Variants in MYO15B observed in about 807,000 individuals in gnomAD.
The protein encoded by MYO15B is myosin XVB pseudogene.
MYO15B carries 207 observed loss-of-function variants against 119.3 expected under a neutral mutation model. The observed-to-expected ratio is 1.73, with a 90% CI of 1.55 to 1.95. The LOEUF is 1.95. MYO15B is among the 30% of genes most tolerant of loss of function. The pLI is 0.00. For synonymous variants in MYO15B, 966 were observed against 498.9 expected (o/e 1.94, Z -12.48); for missense variants, 2,264 against 1,203.1 (o/e 1.88, Z -13.04).
chr17:75,616,248 G>A lies in MYO15B; in HGVS notation c.6110-64G>A, dbSNP rs140565308. 2.9e-4 allele frequency: 172 copies of A among 591,024 alleles called. 1 individual carries two copies. The East Asian group carries it at 3.7e-3, about 13-fold the overall frequency. 36.6% of individuals were successfully genotyped at this position (591,024 alleles called of 1,614,324 possible). A position where few individuals can be genotyped will look rare whatever the true frequency, so the allele number is the denominator to read the frequency against. ...GTGCTCTGCTCCCCGGAGTTGGTGC[G>A]GCCCATCCAGGAGCCCAGCTGGGCC... On this transcript the variant is annotated intron_variant, in intron 37 of 63. Coordinates refer to ENST00000645453, the Ensembl canonical transcript of MYO15B.
chr17:75,619,698 C>T (rs1240821087), exon 46 of MYO15B: 5 of 702,768 alleles, frequency 7.1e-6, no homozygotes, highest in Admixed American at 2.0e-5. Flanking sequence ...GTGGCAGCGA[C>T]GTGCAGCTGT....
At chr17:75,599,451 CT>C (rs550713664) in intron 14 of MYO15B, among the ~76,000 whole-genome samples, 2 of 150,140 alleles carry the variant, frequency 1.3e-5, no homozygotes, top group South Asian at 4.2e-4. Flanking sequence ...ATTTTTTTTT[CT>C]TTTTTTTTGT....
intron 21 of MYO15B, among the ~76,000 whole-genome samples, chr17:75,608,456 A>C (rs867203566): frequency 6.6e-6 from 1 of 151,982 alleles, no homozygotes; most frequent in Non-Finnish European, 1.5e-5. Context: ...TTTATTAAAA[A>C]AATTTTTTTG....
At chr17:75,618,382 C>T (rs560280604) in intron 43 of MYO15B, among the ~76,000 whole-genome samples, 197 bp downstream of exon 43, 34 of 152,272 alleles carry the variant, frequency 2.2e-4, no homozygotes, top group African/African-American at 6.5e-4. Flanking sequence ...TGGCCAGGTG[C>T]GGTGGCTCAT....
In MYO15B at chr17:75,621,481, C is replaced by A. The variant is rs1238618610; in HGVS notation, c.7936-20C>A. On this transcript the variant is annotated intron_variant, in intron 51 of 63. Transcript: ENST00000645453. ...CCCCCACGGCCCCCCAGACCCATGG[C>A]CTCCTCTCTTTGGCCACAGGCTCCC... 2.9e-6 allele frequency: 2 copies of A among 701,286 alleles called. No homozygotes were observed. Among genetic ancestry groups the A allele is most frequent in the Admixed American group, 2.0e-5 (1 of 49,994 alleles). 43.4% of individuals were successfully genotyped at this position (701,286 alleles called of 1,614,324 possible).
At chr17:75,620,509 C>T (rs1369492905) in exon 49 of MYO15B, 2 of 702,834 alleles carry the variant, frequency 2.8e-6, no homozygotes, top group Non-Finnish European at 5.2e-6. Context: ...GGACTCTTTC[C>T]TGCCGACATA....
exon 30 of MYO15B, chr17:75,614,270 G>A (rs1472556889): frequency 1.4e-6 from 1 of 702,814 alleles, no homozygotes; most frequent in East Asian, 2.7e-5. Flanking sequence ...GACTTGGCTG[G>A]CTGCGACTTT....
At position 75,615,526 on chromosome 17, in the gene MYO15B, C is replaced by T. The variant is rs764732651; in HGVS notation, c.5764C>T (p.Pro1922Ser). The T allele has an allele frequency of 5.7e-6, 4 of 699,874 alleles. No individual in the cohort carries two copies. In the South Asian group the frequency reaches 5.9e-5, roughly 10 times the overall value. The allele number at this position is 699,874 out of a possible 1,614,324, so 43.4% of individuals were successfully genotyped here. The change falls in exon 35 of 64, where the codon CCG becomes TCG. Residue 1922 changes from proline to serine, a missense_variant. Physicochemically the swap from Pro to Ser is moderately conservative, Grantham distance 74. Transcript: ENST00000645453. The stretch of plus-strand genomic sequence containing the variant: ...AGCCATGGTGGTGCCGCCGCAGCCA[C>T]CGCTTCCCAGCCTGGATGCAGGGCA...
chr17:75,603,852 T>G (rs1223666113), intron 19 of MYO15B, among the ~76,000 whole-genome samples: 1 of 152,236 alleles, frequency 6.6e-6, no homozygotes, highest in Non-Finnish European at 1.5e-5. Context: ...GGCCTTTGGC[T>G]ATTGACTGGA....
At position 75,624,461 on chromosome 17, in the gene MYO15B, C is replaced by T. The variant is rs564782658; in HGVS notation, c.8445+14C>T. 8.8e-5 allele frequency: 62 copies of T among 702,900 alleles called. No individual in the cohort carries two copies. Among genetic ancestry groups the T allele is most frequent in the South Asian group, 8.6e-4 (58 of 67,544 alleles). 43.5% of individuals were successfully genotyped at this position (702,900 alleles called of 1,614,324 possible). ...CAGACTTTCACAGTGAGCTTGGGGGCCACCAAGGGAGGAGGCCTTGGGCAT... is the reference window on the plus strand; with the variant it reads ...CAGACTTTCACAGTGAGCTTGGGGGTCACCAAGGGAGGAGGCCTTGGGCAT... On this transcript the variant is annotated intron_variant, in intron 57 of 63. Transcript: ENST00000645453.
At chr17:75,620,560 A>G (rs1406228136) in exon 49 of MYO15B, 7 of 702,708 alleles carry the variant, frequency 1.0e-5, no homozygotes, top group Non-Finnish European at 1.6e-5. Context: ...TTCTCCAAGG[A>G]GCAGAGGAGT....
At chr17:75,600,590 T>C (rs1568140674) in intron 14 of MYO15B, 2 of 128,466 alleles carry the variant, frequency 1.6e-5, no homozygotes, top group African/African-American at 2.6e-5. Flanking sequence ...TTCTTTTCTT[T>C]TTTTTTTTTT....
At chr17:75,595,761 G>A (rs1394946341) in intron 12 of MYO15B, among the ~76,000 whole-genome samples, 1 of 152,224 alleles carries the variant, frequency 6.6e-6, no homozygotes, top group Non-Finnish European at 1.5e-5. Flanking sequence ...CCCCACGTCA[G>A]GAGGAAAGGG....
At chr17:75,624,246 C>T in exon 56 of MYO15B, 1 of 702,952 alleles carries the variant, frequency 1.4e-6, no homozygotes, top group Admixed American at 2.0e-5. Flanking sequence ...GATGCCCCCA[C>T]CGGGTGAAAT....
At chr17:75,617,838 G>T in exon 42 of MYO15B, 1 of 702,898 alleles carries the variant, frequency 1.4e-6, no homozygotes, top group Non-Finnish European at 2.6e-6. Context: ...AGGACCAGGG[G>T]GTCTCCACCC....
chr17:75,597,557 A>G (rs2056947652), intron 14 of MYO15B, among the ~76,000 whole-genome samples: 1 of 152,244 alleles, frequency 6.6e-6, no homozygotes, highest in South Asian at 2.1e-4. Context: ...TAAGGATAAA[A>G]GGTGAACAAA....
At chr17:75,590,860 C>A (rs1568109674) in intron 2 of MYO15B, 47 bp from the exon 3 acceptor site, 1 of 320,008 alleles carries the variant, frequency 3.1e-6, no homozygotes. Flanking sequence ...TGTTTGCATT[C>A]CCCCTGCTCC....
exon 49 of MYO15B, chr17:75,620,563 A>G (rs1416192326): frequency 1.7e-5 from 12 of 702,748 alleles, no homozygotes; most frequent in Non-Finnish European, 2.9e-5. Context: ...TCCAAGGAGC[A>G]GAGGAGTGGC....
At chr17:75,616,199 G>A in intron 37 of MYO15B, 52 bp downstream of exon 37, 2 of 573,654 alleles carry the variant, frequency 3.5e-6, no homozygotes, top group Middle Eastern at 2.6e-4. Context: ...CAGTGCCCCT[G>A]GCCCGGGCCA....
Sources: gnomAD v4.1 joint callset for allele counts (sites outside exome capture counted in the v4.1 genomes callset) on GRCh38, gnomAD v4.1.1 for gene constraint, MANE v1.5 for transcripts, NCBI Gene and HGNC (gene_info 2026-07-23, HGNC 2026-07-21) for gene names.